The following FOXN3 variants were observed in gnomAD, a reference collection of about 807,000 sequenced individuals.
The protein encoded by FOXN3 is forkhead box N3.
In FOXN3, 7 loss-of-function variants were observed where a neutral mutation model predicts 38.4. That is an observed-to-expected ratio of 0.18 (90% confidence interval 0.10 to 0.34). The LOEUF is 0.34. FOXN3 is among the 10% of genes least tolerant of loss of function. The pLI is 1.00. For missense variants in FOXN3, 456 were observed against 613.4 expected (o/e 0.74, Z 2.71); for synonymous variants, 230 against 242.2 (o/e 0.95, Z 0.47).
chr14:89,454,448 C>T (rs1360904428), intron 1 of FOXN3, among the ~76,000 whole-genome samples: 2 of 152,172 alleles, frequency 1.3e-5, no homozygotes, highest in Non-Finnish European at 1.5e-5. Context: ...TTTAAGCCAC[C>T]TAGTTTATGG....
At chr14:89,616,711 T>C (rs1418493119) in intron 1 of FOXN3, among the ~76,000 whole-genome samples, 1 of 152,236 alleles carries the variant, frequency 6.6e-6, no homozygotes, top group African/African-American at 2.4e-5. Flanking sequence ...GTTCTAACTG[T>C]AGACATACAA....
At chr14:89,579,955 C>T (rs1272280719) in intron 1 of FOXN3, among the ~76,000 whole-genome samples, 3 of 151,924 alleles carry the variant, frequency 2.0e-5, no homozygotes, top group African/African-American at 4.8e-5. Flanking sequence ...TGTATCTCTA[C>T]AATTTTCTCT....
chr14:89,162,162 C>G lies in FOXN3; in HGVS notation c.*252G>C, dbSNP rs1887121175. On this transcript the variant is annotated 3_prime_UTR_variant, in exon 6 of 6. Coordinates refer to ENST00000557258, the MANE Select transcript of FOXN3 (RefSeq NM_005197.4). This position sits in a 1 kb window ranked among gnomAD's most constrained non-coding sequence, Gnocchi z 7.2. ...GGTTTTGTCTTCAGATAATGAAAAGCTTTTGTAAAACAGCTGAGTGTCAAT... is the reference window on the plus strand; with the variant it reads ...GGTTTTGTCTTCAGATAATGAAAAGGTTTTGTAAAACAGCTGAGTGTCAAT... 1 of 328,386 alleles carries G rather than the reference C, an allele frequency of 3.0e-6. No homozygotes were observed. The highest frequency in any genetic ancestry group is 5.4e-6 in the Non-Finnish European group (1 of 183,742). 20.3% of individuals were successfully genotyped at this position (328,386 alleles called of 1,614,324 possible). A position where few individuals can be genotyped will look rare whatever the true frequency, so the allele number is the denominator to read the frequency against.
At chr14:89,386,150 G>A (rs1353281004) in intron 2 of FOXN3, among the ~76,000 whole-genome samples, 2 of 152,304 alleles carry the variant, frequency 1.3e-5, no homozygotes, top group Non-Finnish European at 2.9e-5. Flanking sequence ...GGGAGGGTGG[G>A]TGAAAATTTC....
intron 4 of FOXN3, among the ~76,000 whole-genome samples, chr14:89,203,476 C>T (rs990077127): frequency 1.3e-5 from 2 of 152,182 alleles, no homozygotes; most frequent in Admixed American, 6.5e-5. Flanking sequence ...CTGTGGCACC[C>T]GAGGGAGGCT....
chr14:89,274,568 C>T (rs748539492), intron 4 of FOXN3, among the ~76,000 whole-genome samples: 1 of 152,108 alleles, frequency 6.6e-6, no homozygotes, highest in Non-Finnish European at 1.5e-5. Context: ...GCCCATTTTA[C>T]AGGCAATCAA....
intron 4 of FOXN3, among the ~76,000 whole-genome samples, chr14:89,214,276 C>CA (rs1489569093): frequency 9.2e-5 from 14 of 152,166 alleles, no homozygotes; most frequent in South Asian, 4.1e-4. Flanking sequence ...CAGCTCCACC[C>CA]GATGTTGAAA....
rs957171419 is a variant in FOXN3, at chr14:89,163,550, T to TG, written c.852-582dup. Among the ~76,000 whole-genome samples, 17 of 152,028 alleles carry TG rather than the reference T, an allele frequency of 1.1e-4. No homozygotes were observed. The highest frequency in any genetic ancestry group is 9.8e-4 in the Admixed American group (15 of 15,278). On this transcript the variant is annotated intron_variant, in intron 5 of 5. Coordinates refer to ENST00000557258, the MANE Select transcript of FOXN3 (RefSeq NM_005197.4). This position sits in a 1 kb window ranked among gnomAD's most constrained non-coding sequence, Gnocchi z 4.3. ...AAATGCATGACCTTAGGGAGGGTTCTGGGGGAGGGACACGGGGTTGGATCG... is the reference window on the plus strand; with the variant it reads ...AAATGCATGACCTTAGGGAGGGTTCTGGGGGGAGGGACACGGGGTTGGATCG...
intron 4 of FOXN3, among the ~76,000 whole-genome samples, chr14:89,258,918 C>T (rs1885711557): frequency 6.6e-6 from 1 of 152,230 alleles, no homozygotes; most frequent in African/African-American, 2.4e-5. Flanking sequence ...CACATCCTCT[C>T]ACATGCTCGG....
At chr14:89,595,826 T>C (rs1162624416) in intron 1 of FOXN3, among the ~76,000 whole-genome samples, 1 of 152,214 alleles carries the variant, frequency 6.6e-6, no homozygotes, top group Non-Finnish European at 1.5e-5. Flanking sequence ...TACTTTTTAA[T>C]GATGTAGGCT....
At chr14:89,513,188 CTAGG>C (rs979076501) in intron 1 of FOXN3, among the ~76,000 whole-genome samples, 8 of 144,536 alleles carry the variant, frequency 5.5e-5, no homozygotes, top group Non-Finnish European at 7.6e-5. Context: ...AAGAAAGAAA[CTAGG>C]TAGTCACAGC....
Position 89,412,398 on chromosome 14 carries a change from C to G in FOXN3, c.79G>C (p.Gly27Arg), listed in dbSNP as rs760238339. The G allele has an allele frequency of 5.0e-6, 8 of 1,614,150 alleles. No homozygotes were observed. The highest frequency in any genetic ancestry group is 1.6e-4 in the Middle Eastern group (1 of 6,062). The part of the protein sequence containing the change: ...SVSSGLSQCY[G>R]GSGFSKALQE... Reference sequence around the variant, plus strand: ...AGGGCCTTGGAGAAACCGCTGCCCCCGTAACACTGACTCAGTCCACTGGAG... The same window carrying G: ...AGGGCCTTGGAGAAACCGCTGCCCCGGTAACACTGACTCAGTCCACTGGAG... The change falls in exon 2 of 6, where the codon GGG becomes CGG. Residue 27 changes from glycine to arginine, a missense_variant. Transcript: ENST00000557258. This position sits in a 1 kb window ranked among gnomAD's most constrained non-coding sequence, Gnocchi z 4.7.
chr14:89,530,616 T>C (rs1894538814), intron 1 of FOXN3, among the ~76,000 whole-genome samples: 1 of 151,952 alleles, frequency 6.6e-6, no homozygotes, highest in Non-Finnish European at 1.5e-5. Flanking sequence ...TTTTATTTTA[T>C]TTTATTTTTT....
rs370464913 is a variant in FOXN3 at position 89,320,170 on chromosome 14, T to C, written c.680+30502A>G. 3.0e-4 allele frequency among the ~76,000 whole-genome samples: 45 copies of C among 152,334 alleles called. No homozygotes were observed. In the South Asian group the frequency reaches 5.2e-3, roughly 18 times the overall value. ...GAAAGTCAGAGGCTCATATATGGAA[T>C]TTATTCAAAATCATCATCTCTTGCA... On this transcript the variant is annotated intron_variant, in intron 3 of 5. Transcript: ENST00000557258.
At chr14:89,601,373 A>T (rs1454990512) in intron 1 of FOXN3, among the ~76,000 whole-genome samples, 1 of 152,268 alleles carries the variant, frequency 6.6e-6, no homozygotes, top group African/African-American at 2.4e-5. Context: ...TGGATAATAG[A>T]TTAGAGTTAC....
At chr14:89,467,800 C>CTTTTTTTTTTTT (rs1383456566) in intron 1 of FOXN3, among the ~76,000 whole-genome samples, 2 of 57,914 alleles carry the variant, frequency 3.5e-5, no homozygotes, top group East Asian at 6.7e-4. Flanking sequence ...TCTTTTCTTT[C>CTTTTTTTTTTTT]TTTGTTTTTT....
At chr14:89,204,238 G>C (rs150367711) in intron 4 of FOXN3, among the ~76,000 whole-genome samples, 2 of 152,060 alleles carry the variant, frequency 1.3e-5, no homozygotes, top group Non-Finnish European at 2.9e-5. Context: ...TTCTGGCTTC[G>C]GTCTGTCCAC....
chr14:89,472,561 T>A (rs933984604), intron 1 of FOXN3, among the ~76,000 whole-genome samples: 36 of 150,320 alleles, frequency 2.4e-4, no homozygotes, highest in African/African-American at 6.1e-4. Context: ...TCTACTAAAA[T>A]TACAAAAAAA....
chr14:89,603,919 A>C (rs1420174968), intron 1 of FOXN3, among the ~76,000 whole-genome samples: 2 of 152,178 alleles, frequency 1.3e-5, no homozygotes, highest in Non-Finnish European at 2.9e-5. Context: ...TACAGAGAGG[A>C]CTTTAAACTG....
Sources: gnomAD v4.1 joint callset for allele counts (sites outside exome capture counted in the v4.1 genomes callset) on GRCh38, gnomAD v4.1.1 for gene constraint, Gnocchi (gnomAD v3.1) non-coding constraint, MANE v1.5 for transcripts, NCBI Gene and HGNC (gene_info 2026-07-23, HGNC 2026-07-21) for gene names.